The following SGSH variants were observed in gnomAD, a reference collection of about 807,000 sequenced individuals.
SGSH encodes the protein heparan sulfate sulfatase.
A neutral mutation model predicts 51.0 loss-of-function variants in SGSH; 48 were observed. That is an observed-to-expected ratio of 0.94 (90% CI 0.75 to 1.20). SGSH has a LOEUF of 1.20. Ranked by LOEUF, SGSH falls within the 50% of genes most tolerant of loss-of-function variation. SGSH has a pLI of 0.00. For synonymous variants in SGSH, 321 were observed against 313.4 expected (o/e 1.02, Z -0.26); for missense variants, 662 against 717.8 (o/e 0.92, Z 0.89).
chr17:80,202,261 T>C (rs1478816553), downstream of SGSH: 7 of 1,613,982 alleles, frequency 4.3e-6, no homozygotes, highest in South Asian at 1.1e-5. Flanking sequence ...AACCTGGCCA[T>C]GGAGGGCAGG....
chr17:80,203,984 G>A, downstream of SGSH: 1 of 1,023,732 alleles, frequency 9.8e-7, no homozygotes, highest in Non-Finnish European at 1.4e-6. This position sits in a 1 kb window ranked among gnomAD's most constrained non-coding sequence, Gnocchi z 4.6. Context: ...AGAGTGGGCT[G>A]CTGATTGGAG....
chr17:80,206,749 A>G (rs1261232147), downstream of SGSH: 2 of 287,962 alleles, frequency 6.9e-6, no homozygotes, highest in Non-Finnish European at 1.3e-5. Context: ...CCTGGGCGAC[A>G]GAGCGAGACT....
chr17:80,216,980 C>G (rs113672699), intron 2 of SGSH, 52 bp downstream of exon 2: 1 of 1,491,546 alleles, frequency 6.7e-7, no homozygotes, highest in Non-Finnish European at 9.0e-7. Context: ...GGGCCCCGGA[C>G]GCAGCCTGTC....
At chr17:80,216,987 T>C (rs2041914123) in intron 2 of SGSH, 45 bp downstream of exon 2, 1 of 1,507,702 alleles carries the variant, frequency 6.6e-7, no homozygotes, top group Non-Finnish European at 8.9e-7. Flanking sequence ...GGACGCAGCC[T>C]GTCTACTCCC....
intron 5 of SGSH, 118 bp from the exon 6 acceptor site, chr17:80,214,003 C>T (rs1324369521): frequency 2.3e-6 from 3 of 1,310,934 alleles, no homozygotes; most frequent in Admixed American, 2.0e-5. Context: ...CTCCGGACCA[C>T]CCCGTCTCTC....
chr17:80,202,022 C>T, downstream of SGSH: 2 of 1,254,196 alleles, frequency 1.6e-6, no homozygotes, highest in Non-Finnish European at 2.2e-6. Context: ...CAGGAGGCCC[C>T]CAAGCCAGCT....
In SGSH at chr17:80,212,298, G is replaced by A. The variant is rs2041699939; in HGVS notation, c.746-24C>T. 1.3e-6 allele frequency: 2 copies of A among 1,580,278 alleles called. No individual in the cohort carries two copies. Among genetic ancestry groups the A allele is most frequent in the South Asian group, 1.1e-5 (1 of 87,774 alleles). ...TCCTGTGGTGAGGGGCCGAGAAGCA[G>A]AGCTCAGCCGCAGACACGGAGGGAG... On this transcript the variant is annotated intron_variant, in intron 6 of 7. Transcript: ENST00000326317. The surrounding 1 kb of genome is among the most constrained non-coding windows in gnomAD (Gnocchi z 5.9).
At position 80,213,400 on chromosome 17, in the gene SGSH, A is replaced by T; in HGVS notation, c.745+404T>A. Reference sequence around the variant, plus strand: ...GGCCCTGCTGACACCTTGATTTCAAACTTCTGGCCTCCTGAACTGTGGGAG... The same window carrying T: ...GGCCCTGCTGACACCTTGATTTCAATCTTCTGGCCTCCTGAACTGTGGGAG... On this transcript the variant is annotated intron_variant, in intron 6 of 7. Transcript: ENST00000326317. The surrounding 1 kb of genome is among the most constrained non-coding windows in gnomAD (Gnocchi z 4.6). 1 of 222,178 alleles carries T rather than the reference A, an allele frequency of 4.5e-6. No homozygotes were observed. Among genetic ancestry groups the T allele is most frequent in the Non-Finnish European group, 9.1e-6 (1 of 110,378 alleles). The allele number at this position is 222,178 out of a possible 1,614,324, so 13.8% of individuals were successfully genotyped here.
downstream of SGSH, among the ~76,000 whole-genome samples, chr17:80,207,297 T>C (rs2041380130): frequency 6.6e-6 from 1 of 152,206 alleles, no homozygotes; most frequent in African/African-American, 2.4e-5. Flanking sequence ...ACGCCTGTAA[T>C]CCCAGCACTT....
At position 80,212,002 on chromosome 17, in the gene SGSH, C is replaced by T; in HGVS notation, c.949+69G>A. ...TTAGGTAATGGGTGTGGAGCAGCAT[C>T]TGACAGGTCATGGCCCCGTCCCAGA... On this transcript the variant is annotated intron_variant, in intron 7 of 7. Transcript: ENST00000326317. This position sits in a 1 kb window ranked among gnomAD's most constrained non-coding sequence, Gnocchi z 5.9. The T allele has an allele frequency of 7.6e-7, 1 of 1,315,404 alleles. No homozygotes were observed. The highest frequency in any genetic ancestry group is 1.2e-5 in the South Asian group (1 of 83,544). 81.5% of individuals were successfully genotyped at this position (1,315,404 alleles called of 1,614,324 possible).
At chr17:80,219,072 A>T (rs898972734) in intron 1 of SGSH, among the ~76,000 whole-genome samples, 4 of 138,080 alleles carry the variant, frequency 2.9e-5, no homozygotes, top group Admixed American at 8.0e-5. Context: ...AGGCAGGAGG[A>T]TCGCTTGAGC....
downstream of SGSH, chr17:80,205,197 G>A (rs2144557503): frequency 6.2e-7 from 1 of 1,612,040 alleles, no homozygotes; most frequent in Non-Finnish European, 8.5e-7. Flanking sequence ...TTTAAGAAGT[G>A]CCTGGCAGGT....
chr17:80,220,226 C>A lies in SGSH; in HGVS notation c.88G>T (p.Ala30Ser), dbSNP rs758793075. ...ARPRNALLLL[A>S]DDGGFESGAY... The stretch of plus-strand genomic sequence containing the variant: ...GTGGGGGGGCGGCGCCGGCACTCAC[C>A]GAGGAGCAGCAGTGCGTTCCGGGGA... The change falls in exon 1 of 8, where the codon GCG (alanine) becomes TCG (serine). Residue 30 changes from alanine (A) to serine (S), a missense_variant and splice_region_variant. Coordinates refer to ENST00000326317, the MANE Select transcript of SGSH (RefSeq NM_000199.5). 2.0e-6 allele frequency: 3 copies of A among 1,518,384 alleles called. No individual in the cohort carries two copies. Among genetic ancestry groups the A allele is most frequent in the Non-Finnish European group, 2.6e-6 (3 of 1,139,206 alleles). 94.1% of individuals were successfully genotyped at this position (1,518,384 alleles called of 1,614,324 possible). A position where few individuals can be genotyped will look rare whatever the true frequency, so the allele number is the denominator to read the frequency against.
At chr17:80,202,236 T>C (rs772268382), downstream of SGSH, 4 of 1,613,984 alleles carry the variant, frequency 2.5e-6, no homozygotes, top group Non-Finnish European at 2.5e-6. Flanking sequence ...GGGGGACTCA[T>C]TCTACATCCG....
downstream of SGSH, chr17:80,202,443 G>A (rs758802303): frequency 5.7e-5 from 91 of 1,603,760 alleles, no homozygotes; most frequent in Middle Eastern, 1.7e-4. Flanking sequence ...CTCGAGCTCG[G>A]TGCGTCCCCA....
chr17:80,210,306 A>ACC lies in SGSH; in HGVS notation c.*144_*145dup, dbSNP rs561581731. ...CCCCCTCCAGGCAATGGCAAGAGTG[A>ACC]CCCCACAGGAAGGAAGAACCCTCCT... is the stretch of plus-strand genomic sequence containing the variant. On this transcript the variant is annotated 3_prime_UTR_variant, in exon 8 of 8. Coordinates refer to ENST00000326317, the MANE Select transcript of SGSH (RefSeq NM_000199.5). 537 of 1,437,166 alleles carry ACC rather than the reference A, an allele frequency of 3.7e-4. 1 individual carries two copies. In the East Asian group the frequency reaches 0.013, roughly 35 times the overall value. The allele number at this position is 1,437,166 out of a possible 1,614,324, so 89.0% of individuals were successfully genotyped here.
In SGSH at chr17:80,220,067, T is replaced by C. The variant is rs2042086454; in HGVS notation, c.88+159A>G. ...TCTCTGGGGAGACACCCGTGAAGAG[T>C]CTGGGGGCGGCACAGAGAGGAGGAC... On this transcript the variant is annotated intron_variant, in intron 1 of 7. Coordinates refer to ENST00000326317, the MANE Select transcript of SGSH (RefSeq NM_000199.5). 1.1e-5 allele frequency: 6 copies of C among 550,126 alleles called. No individual in the cohort carries two copies. In the Admixed American group the frequency reaches 2.1e-4, roughly 20 times the overall value. The allele number at this position is 550,126 out of a possible 1,614,324, so 34.1% of individuals were successfully genotyped here.
At chr17:80,204,004 A>C, downstream of SGSH, 1 of 885,876 alleles carries the variant, frequency 1.1e-6, no homozygotes. Context: ...GGGTAACCCC[A>C]CCTGTCTCTC....
At chr17:80,211,093 C>T (rs1424481321) in intron 7 of SGSH, 82 bp from the exon 8 acceptor site, 18 of 1,563,434 alleles carry the variant, frequency 1.2e-5, no homozygotes, top group Non-Finnish European at 1.1e-5. Flanking sequence ...CTACGCCACT[C>T]TGGGCGGCTC....
Sources: allele counts gnomAD v4.1 joint callset (sites outside exome capture counted in the v4.1 genomes callset), GRCh38; gene constraint gnomAD v4.1.1; non-coding constraint Gnocchi (gnomAD v3.1); transcripts MANE v1.5; gene names NCBI Gene and HGNC (gene_info 2026-07-23, HGNC 2026-07-21).